GRIP1: variants seen among roughly 807,000 people sequenced by gnomAD.
GRIP1 encodes glutamate receptor-interacting protein 1.
Under a neutral mutation model 129.9 loss-of-function variants are expected in GRIP1, and 45 were observed. That is an observed-to-expected ratio of 0.35 (90% CI 0.27 to 0.44). The LOEUF (loss-of-function observed/expected upper bound fraction) is 0.44, where lower values mean the gene tolerates loss of function less well. Ranked by LOEUF, GRIP1 falls within the 20% of genes least tolerant of loss-of-function variation. The pLI, the probability that GRIP1 is intolerant of heterozygous loss-of-function variation, is 1.00. For synonymous variants in GRIP1, 530 were observed against 520.8 expected (o/e 1.02, Z -0.24); for missense variants, 1,196 against 1,396.8 (o/e 0.86, Z 2.29).
chr12:66,546,981 C>A (rs1592526927), intron 2 of GRIP1, among the ~76,000 whole-genome samples: 1 of 151,952 alleles, frequency 6.6e-6, no homozygotes, highest in East Asian at 1.9e-4. Flanking sequence ...ATCTACAGAC[C>A]AGGAAAAAAT....
chr12:66,577,020 A>G (rs1332427710), intron 2 of GRIP1, among the ~76,000 whole-genome samples: 2 of 152,358 alleles, frequency 1.3e-5, no homozygotes, highest in African/African-American at 4.8e-5. Flanking sequence ...TCAGACCAGC[A>G]GCGTGGCAAA....
intron 1 of GRIP1, among the ~76,000 whole-genome samples, chr12:66,602,112 C>T (rs1565900864): frequency 6.6e-6 from 1 of 152,130 alleles, no homozygotes; most frequent in Admixed American, 6.5e-5. Context: ...CCATTTTAGG[C>T]TTTCAGATAA....
intron 2 of GRIP1, among the ~76,000 whole-genome samples, chr12:66,593,622 G>T (rs2063925178): frequency 6.6e-6 from 1 of 152,114 alleles, no homozygotes; most frequent in African/African-American, 2.4e-5. Context: ...GAAGCTTAAG[G>T]TGCCTTCTGC....
chr12:66,856,492 C>G (rs2040007181), intron 1 of GRIP1, among the ~76,000 whole-genome samples: 1 of 152,062 alleles, frequency 6.6e-6, no homozygotes, highest in East Asian at 1.9e-4. Context: ...GGGCTAATAT[C>G]CAGAATCTAC....
intron 1 of GRIP1, among the ~76,000 whole-genome samples, chr12:66,769,225 ATTTT>A (rs112284216): frequency 7.6e-5 from 11 of 144,756 alleles, no homozygotes; most frequent in African/African-American, 2.3e-4. Context: ...CCAAATGGAA[ATTTT>A]TTTTTTTTTT....
intron 1 of GRIP1, among the ~76,000 whole-genome samples, chr12:66,666,900 T>G (rs2033828834): frequency 6.6e-6 from 1 of 152,038 alleles, no homozygotes; most frequent in Non-Finnish European, 1.5e-5. Context: ...TGATTTGGTA[T>G]TGATAAAAAT....
At chr12:66,650,792 A>G (rs2032738156) in intron 1 of GRIP1, among the ~76,000 whole-genome samples, 1 of 152,174 alleles carries the variant, frequency 6.6e-6, no homozygotes, top group Non-Finnish European at 1.5e-5. Flanking sequence ...TTGTTTATTC[A>G]ACAAATCTCT....
chr12:67,069,221 A>C (rs1237723620), upstream of GRIP1: 1 of 562,292 alleles, frequency 1.8e-6, no homozygotes, highest in African/African-American at 2.0e-5. Context: ...GGGGCTGTTC[A>C]GCGGGGCTGG....
chr12:66,943,936 T>C (rs1341072956), intron 1 of GRIP1, among the ~76,000 whole-genome samples: 2 of 152,210 alleles, frequency 1.3e-5, no homozygotes, highest in Non-Finnish European at 2.9e-5. Context: ...TAAGATTCAC[T>C]TGACCCAGGT....
chr12:66,961,458 G>C lies in GRIP1; in HGVS notation c.58+107592C>G, dbSNP rs116324687. Among the ~76,000 whole-genome samples, 507 of 152,242 alleles carry C rather than the reference G, an allele frequency of 3.3e-3. 3 individuals are homozygous for C. Among genetic ancestry groups the C allele is most frequent in the African/African-American group, 0.011 (460 of 41,536 alleles). On this transcript the variant is annotated intron_variant, in intron 1 of 1. Coordinates refer to the GRIP1 transcript ENST00000643019. ...GCTATTTGGATTTTATAAGCAGCTT[G>C]CTCCAGAAACAATGTTATAAGAAGT...
At chr12:66,644,309 G>A (rs2032182419) in intron 1 of GRIP1, among the ~76,000 whole-genome samples, 1 of 152,056 alleles carries the variant, frequency 6.6e-6, no homozygotes, top group African/African-American at 2.4e-5. Flanking sequence ...AACATATAGT[G>A]TTCATTTTTC....
chr12:66,867,057 C>T (rs1362207568), intron 1 of GRIP1, among the ~76,000 whole-genome samples: 2 of 152,254 alleles, frequency 1.3e-5, no homozygotes, highest in Middle Eastern at 3.4e-3. Flanking sequence ...GGCACAATCT[C>T]GGCTCCCTGC....
intron 1 of GRIP1, among the ~76,000 whole-genome samples, chr12:67,051,525 T>C (rs1265426234): frequency 6.6e-6 from 1 of 152,200 alleles, no homozygotes; most frequent in Non-Finnish European, 1.5e-5. Context: ...AGCGAAGACC[T>C]CAATAACAAA....
intron 1 of GRIP1, among the ~76,000 whole-genome samples, chr12:66,646,917 C>G (rs1238438474): frequency 6.6e-6 from 1 of 152,326 alleles, no homozygotes; most frequent in South Asian, 2.1e-4. Context: ...CTGTAGACCT[C>G]TCTATTCTCA....
At chr12:66,609,831 C>T (rs950298780) in intron 1 of GRIP1, among the ~76,000 whole-genome samples, 3 of 152,152 alleles carry the variant, frequency 2.0e-5, no homozygotes, top group Admixed American at 6.6e-5. Flanking sequence ...GAAACCATTC[C>T]TTCCATCACT....
intron 11 of GRIP1, among the ~76,000 whole-genome samples, chr12:66,448,227 C>T (rs1433231718): frequency 1.3e-5 from 2 of 151,988 alleles, no homozygotes; most frequent in East Asian, 1.9e-4. Flanking sequence ...TCTCTCATTG[C>T]CACTACTATT....
intron 1 of GRIP1, among the ~76,000 whole-genome samples, chr12:67,006,103 T>C (rs2042622339): frequency 6.6e-6 from 1 of 152,182 alleles, no homozygotes; most frequent in Non-Finnish European, 1.5e-5. Flanking sequence ...GTACCAGTTT[T>C]CTTAAGGACC....
chr12:66,905,322 A>T (rs753390723), intron 1 of GRIP1, among the ~76,000 whole-genome samples: 2 of 152,170 alleles, frequency 1.3e-5, no homozygotes, highest in South Asian at 4.1e-4. Context: ...CACTTTCCAT[A>T]TGTGGATGTT....
At chr12:66,738,420 A>G (rs1166509286) in intron 1 of GRIP1, among the ~76,000 whole-genome samples, 1 of 151,814 alleles carries the variant, frequency 6.6e-6, no homozygotes, top group Non-Finnish European at 1.5e-5. Flanking sequence ...ACAGGGTTTC[A>G]CCATGTTAGC....
Sources: allele counts gnomAD v4.1 joint callset (sites outside exome capture counted in the v4.1 genomes callset), GRCh38; gene constraint gnomAD v4.1.1; transcripts MANE v1.5; gene names NCBI Gene and HGNC (gene_info 2026-07-23, HGNC 2026-07-21).